Variants in CCDC97 observed in about 807,000 individuals in gnomAD.
CCDC97 encodes the protein coiled-coil domain containing 97, also known as coiled-coil domain-containing protein 97.
Under a neutral mutation model 33.9 loss-of-function variants are expected in CCDC97, and 27 were observed. The ratio of observed to expected loss-of-function variants is 0.80; its 90% CI spans 0.59 to 1.10. CCDC97 has a LOEUF of 1.10. Ranked by LOEUF, CCDC97 falls within the 50% of genes least tolerant of loss-of-function variation. The pLI is 0.00. For synonymous variants in CCDC97, 217 were observed against 194.0 expected (o/e 1.12, Z -0.99); for missense variants, 422 against 476.6 (o/e 0.89, Z 1.07).
chr19:41,314,410 G>A (rs1330132589), intron 1 of CCDC97, among the ~76,000 whole-genome samples: 1 of 152,218 alleles, frequency 6.6e-6, no homozygotes, highest in Non-Finnish European at 1.5e-5. Context: ...CCAAAGTGCT[G>A]GGATTACAGG....
chr19:41,319,677 C>G lies in CCDC97; in HGVS notation c.606C>G (p.Thr202=). ...CCCAGGAGGAGCTCAGTGCCCGCAC[C>G]CCAACCCACCAGCCCCCCAAGCCCG... ...YLTQEELSAR[T]PTHQPPKPGS... Residue 202 remains threonine, a synonymous_variant, in exon 3 of 5, where the codon ACC becomes ACG. Transcript: ENST00000269967. 3 of 1,614,048 alleles carry G rather than the reference C, an allele frequency of 1.9e-6. No individual in the cohort carries two copies. Among genetic ancestry groups the G allele is most frequent in the Non-Finnish European group, 1.7e-6 (2 of 1,179,936 alleles).
At chr19:41,318,055 G>T (rs2037771515) in intron 2 of CCDC97, among the ~76,000 whole-genome samples, 1 of 151,448 alleles carries the variant, frequency 6.6e-6, no homozygotes, top group Non-Finnish European at 1.5e-5. Context: ...ACTGAAAAAA[G>T]CAGGAAAGAT....
At chr19:41,313,951 C>T (rs1211781747) in intron 1 of CCDC97, among the ~76,000 whole-genome samples, 1 of 152,072 alleles carries the variant, frequency 6.6e-6, no homozygotes, top group Non-Finnish European at 1.5e-5. Context: ...CTGCCCACCT[C>T]GGCCTCCCAA....
chr19:41,315,296 C>CAAAAAAAA (rs71177714), intron 1 of CCDC97, among the ~76,000 whole-genome samples: 5 of 41,730 alleles, frequency 1.2e-4, no homozygotes, highest in African/African-American at 2.0e-4. Context: ...GACTCCGTCT[C>CAAAAAAAA]AAAAAAAAAA....
chr19:41,316,515 A>G lies in CCDC97; in HGVS notation c.178A>G (p.Asn60Asp). The G allele has an allele frequency of 6.2e-7, 1 of 1,614,212 alleles. No homozygotes were observed. Among genetic ancestry groups the G allele is most frequent in the Non-Finnish European group, 8.5e-7 (1 of 1,180,032 alleles). Residue 60 changes from asparagine to aspartate, a missense_variant, in exon 2 of 5, where the codon AAT (asparagine) becomes GAT (aspartate). Physicochemically the swap from Asn to Asp is conservative, Grantham distance 23. Coordinates refer to ENST00000269967, the MANE Select transcript of CCDC97 (RefSeq NM_052848.3). ...GGACAGTGACACCTCCGGGGCTGAAAATGCAGCAGTGAGTGCTATGCTGCA... is the reference window on the plus strand; with the variant it reads ...GGACAGTGACACCTCCGGGGCTGAAGATGCAGCAGTGAGTGCTATGCTGCA... ...ALDSDTSGAE[N>D]AAVSAMLHAV...
chr19:41,317,880 C>G (rs2123059246), intron 2 of CCDC97, among the ~76,000 whole-genome samples: 1 of 150,390 alleles, frequency 6.6e-6, no homozygotes, highest in Admixed American at 6.6e-5. Context: ...GAAACCCCAT[C>G]TCTACTAAAA....
chr19:41,323,014 T>G lies in CCDC97; in HGVS notation c.*299T>G. The G allele has an allele frequency of 4.7e-6, 1 of 214,348 alleles. No homozygotes were observed. Among genetic ancestry groups the G allele is most frequent in the Non-Finnish European group, 9.5e-6 (1 of 104,924 alleles). 13.3% of individuals were successfully genotyped at this position (214,348 alleles called of 1,614,324 possible). On this transcript the variant is annotated 3_prime_UTR_variant, in exon 5 of 5. Transcript: ENST00000269967. Reference sequence around the variant, plus strand: ...TCTCTCCCTACCCCCGCTCCCTCTTTCCAGTGCTCTGGCTGGCTGTCTCTC... The same window carrying G: ...TCTCTCCCTACCCCCGCTCCCTCTTGCCAGTGCTCTGGCTGGCTGTCTCTC...
chr19:41,315,991 G>A (rs1441935238), intron 1 of CCDC97, among the ~76,000 whole-genome samples: 1 of 151,962 alleles, frequency 6.6e-6, no homozygotes, highest in Non-Finnish European at 1.5e-5. Context: ...CTACACGGGA[G>A]GCTGAGATGG....
intron 2 of CCDC97, 49 bp from the exon 3 acceptor site, chr19:41,319,525 A>G (rs778141165): frequency 5.2e-6 from 7 of 1,348,972 alleles, no homozygotes; most frequent in South Asian, 1.3e-5. Flanking sequence ...CATGGACACT[A>G]TCTGCTCAGT....
At chr19:41,310,754 A>G (rs1599870373) in intron 1 of CCDC97, 4 of 1,032,702 alleles carry the variant, frequency 3.9e-6, no homozygotes, top group Non-Finnish European at 4.7e-6. Context: ...GAATCCTCCT[A>G]CCTTTCCAGG....
chr19:41,311,774 C>T (rs576983583), intron 1 of CCDC97, among the ~76,000 whole-genome samples: 2 of 151,914 alleles, frequency 1.3e-5, no homozygotes, highest in African/African-American at 4.8e-5. Context: ...TGGTGCATTC[C>T]TGTGGTCCCG....
rs149954618 is a variant in CCDC97, at chr19:41,316,721, C to T, written c.384C>T (p.Gly128=). 476 of 1,613,632 alleles carry T rather than the reference C, an allele frequency of 2.9e-4. 2 individuals carry two copies. In the African/African-American group the frequency reaches 4.7e-3, roughly 16 times the overall value. Residue 128 remains glycine (G), a synonymous_variant, in exon 2 of 5, where the codon GGC becomes GGT. Coordinates refer to ENST00000269967, the MANE Select transcript of CCDC97 (RefSeq NM_052848.3). ...TGGCCTGCTTTGGCCACGTGCGTGG[C>T]GACCACCGTGCAGACTTCTACTGTG... ...EHLACFGHVR[G]DHRADFYCAE...
At chr19:41,318,956 G>C (rs953654094) in intron 2 of CCDC97, among the ~76,000 whole-genome samples, 1 of 152,144 alleles carries the variant, frequency 6.6e-6, no homozygotes. Context: ...CCACAAACAG[G>C]CACACAACCT....
intron 2 of CCDC97, 102 bp from the exon 3 acceptor site, chr19:41,319,472 G>T: frequency 1.2e-6 from 1 of 863,404 alleles, no homozygotes; most frequent in East Asian, 2.4e-5. Context: ...CACTTGGACT[G>T]TGTATGCACA....
intron 2 of CCDC97, among the ~76,000 whole-genome samples, chr19:41,318,108 C>G (rs927667578): frequency 6.6e-6 from 1 of 151,564 alleles, no homozygotes; most frequent in African/African-American, 2.4e-5. Context: ...AGATCCAGAG[C>G]CGGGGTGGGT....
chr19:41,322,723 C>T lies in CCDC97; in HGVS notation c.*8C>T. 15 of 1,611,698 alleles carry T rather than the reference C, an allele frequency of 9.3e-6. No individual in the cohort carries two copies. The highest frequency in any genetic ancestry group is 1.3e-5 in the Non-Finnish European group (15 of 1,178,668). On this transcript the variant is annotated 3_prime_UTR_variant, in exon 5 of 5. Transcript: ENST00000269967. The stretch of plus-strand genomic sequence containing the variant: ...GAGCTGGATGGGGACTGATGGCCGC[C>T]ACCCTTCCCACCGCCTGCCCCATCC...
chr19:41,318,124 T>C (rs1277194981), intron 2 of CCDC97, among the ~76,000 whole-genome samples: 2 of 150,934 alleles, frequency 1.3e-5, no homozygotes, highest in Non-Finnish European at 2.9e-5. Flanking sequence ...TGGGTGATAA[T>C]CCAAGTTGGG....
At chr19:41,317,162 T>C (rs1314111168) in intron 2 of CCDC97, among the ~76,000 whole-genome samples, 1 of 151,998 alleles carries the variant, frequency 6.6e-6, no homozygotes, top group Non-Finnish European at 1.5e-5. Context: ...GAACAAAACA[T>C]GAGATCCCTA....
chr19:41,321,481 T>G (rs1054907516), intron 4 of CCDC97, among the ~76,000 whole-genome samples: 1 of 152,238 alleles, frequency 6.6e-6, no homozygotes, highest in African/African-American at 2.4e-5. Flanking sequence ...TGGCATGTGC[T>G]GAGCATCTGT....
Sources: gnomAD v4.1 joint callset for allele counts (sites outside exome capture counted in the v4.1 genomes callset) on GRCh38, gnomAD v4.1.1 for gene constraint, MANE v1.5 for transcripts, NCBI Gene and HGNC (gene_info 2026-07-23, HGNC 2026-07-21) for gene names.